The following EXOC4 variants were observed in gnomAD, a reference collection of about 807,000 sequenced individuals.
The protein encoded by EXOC4 is SEC8-like 1.
In EXOC4, 71 loss-of-function variants were observed where a neutral mutation model predicts 107.2. The observed-to-expected ratio is 0.66, with a 90% CI of 0.55 to 0.81. EXOC4 has a LOEUF of 0.81. Among genes scored for constraint, EXOC4 ranks in the 30% least tolerant of loss-of-function variants. EXOC4 has a pLI of 0.00. For missense variants in EXOC4, 1,108 were observed against 1,189.6 expected (o/e 0.93, Z 1.01); for synonymous variants, 456 against 441.2 (o/e 1.03, Z -0.42).
At chr7:133,370,298 T>C (rs994100264) in intron 6 of EXOC4, among the ~76,000 whole-genome samples, 4 of 152,004 alleles carry the variant, frequency 2.6e-5, no homozygotes, top group Non-Finnish European at 1.5e-5. Context: ...TTTTTAATTT[T>C]AATTTTAATT....
At chr7:133,819,911 A>G (rs913255125) in intron 11 of EXOC4, among the ~76,000 whole-genome samples, 4 of 152,144 alleles carry the variant, frequency 2.6e-5, no homozygotes, top group Non-Finnish European at 5.9e-5. Context: ...AAAATGACAT[A>G]TCTGGGCAGT....
intron 6 of EXOC4, among the ~76,000 whole-genome samples, chr7:133,371,439 GTC>G (rs988627185): frequency 6.6e-6 from 1 of 151,554 alleles, no homozygotes; most frequent in Non-Finnish European, 1.5e-5. Context: ...TATATTTTGT[GTC>G]TCTATAAATT....
chr7:133,913,148 T>G (rs1049606341), intron 12 of EXOC4, among the ~76,000 whole-genome samples: 1 of 152,176 alleles, frequency 6.6e-6, no homozygotes, highest in Non-Finnish European at 1.5e-5. Context: ...AACTTTGGAA[T>G]ACTCATCATG....
At chr7:133,638,346 A>G (rs1585047113) in intron 10 of EXOC4, among the ~76,000 whole-genome samples, 1 of 152,276 alleles carries the variant, frequency 6.6e-6, no homozygotes, top group East Asian at 1.9e-4. Context: ...CCAGGTCTAC[A>G]TTCTTTAAAT....
At chr7:133,732,722 ATTTACTGGCCACT>A (rs1264839157) in intron 10 of EXOC4, 1 of 155,174 alleles carries the variant, frequency 6.4e-6, no homozygotes, top group Non-Finnish European at 1.4e-5. Context: ...TCCGAAGTCA[ATTTACTGGCCACT>A]TCTTTCAAGT....
chr7:133,751,206 G>A (rs1311418005), intron 10 of EXOC4, among the ~76,000 whole-genome samples: 2 of 152,150 alleles, frequency 1.3e-5, no homozygotes, highest in Non-Finnish European at 2.9e-5. Context: ...ACATTTATTA[G>A]CAATTCTCTG....
intron 9 of EXOC4, among the ~76,000 whole-genome samples, chr7:133,624,471 T>C (rs1802406694): frequency 6.6e-6 from 1 of 152,112 alleles, no homozygotes; most frequent in Non-Finnish European, 1.5e-5. Context: ...TAGTCTTAGC[T>C]GCTCAGGAGC....
chr7:133,997,024 A>G (rs985260295), intron 14 of EXOC4, among the ~76,000 whole-genome samples: 1 of 152,170 alleles, frequency 6.6e-6, no homozygotes, highest in African/African-American at 2.4e-5. Flanking sequence ...GGCTTGATGT[A>G]AGATGGTCAA....
intron 17 of EXOC4, among the ~76,000 whole-genome samples, chr7:134,022,755 G>A (rs901585489): frequency 1.3e-4 from 20 of 152,266 alleles, no homozygotes; most frequent in Middle Eastern, 3.4e-3. Flanking sequence ...AGTGAGGCCT[G>A]TATACTGGCC....
chr7:133,903,343 A>G (rs535871285), intron 12 of EXOC4, among the ~76,000 whole-genome samples: 6 of 152,346 alleles, frequency 3.9e-5, no homozygotes, highest in Non-Finnish European at 8.8e-5. Flanking sequence ...GGATGGAAGC[A>G]GTGAGACCAC....
chr7:133,268,751 C>A (rs1255622146), intron 1 of EXOC4, among the ~76,000 whole-genome samples: 1 of 152,136 alleles, frequency 6.6e-6, no homozygotes, highest in Non-Finnish European at 1.5e-5. Flanking sequence ...TCCACTAGAA[C>A]TTAATAACAT....
chr7:133,330,939 G>GT lies in EXOC4; in HGVS notation c.763+13562dup, dbSNP rs1173485312. On this transcript the variant is annotated intron_variant, in intron 5 of 17. Coordinates refer to ENST00000253861, the MANE Select transcript of EXOC4 (RefSeq NM_021807.4). ...TCTGTGGGTGACTTTTCTGTGAGAG[G>GT]TTTTTTTTTTTTTAAATAATAGTTT... Among the ~76,000 whole-genome samples, 509 of 143,930 alleles carry GT rather than the reference G, an allele frequency of 3.5e-3. 3 individuals carry two copies. Among genetic ancestry groups the GT allele is most frequent in the African/African-American group, 0.01 (405 of 39,452 alleles). The allele number at this position is 143,930 out of a possible 152,430, so 94.4% of individuals were successfully genotyped here. A position where few individuals can be genotyped will look rare whatever the true frequency, so the allele number is the denominator to read the frequency against.
intron 10 of EXOC4, among the ~76,000 whole-genome samples, chr7:133,815,417 C>T (rs1797345183): frequency 6.7e-6 from 1 of 150,170 alleles, no homozygotes; most frequent in Admixed American, 6.6e-5. Flanking sequence ...CTATTCCTGG[C>T]ATTTATAAAT....
chr7:133,740,088 A>G (rs1391951577), intron 10 of EXOC4, among the ~76,000 whole-genome samples: 1 of 152,204 alleles, frequency 6.6e-6, no homozygotes, highest in Non-Finnish European at 1.5e-5. Context: ...ATTTCATATT[A>G]TAATGTAGTT....
At chr7:133,692,618 C>T (rs1039510352) in intron 10 of EXOC4, among the ~76,000 whole-genome samples, 1 of 152,184 alleles carries the variant, frequency 6.6e-6, no homozygotes, top group African/African-American at 2.4e-5. Context: ...TCCAATGAAT[C>T]AGAATCCCTC....
chr7:133,590,636 A>G (rs186040586), intron 9 of EXOC4, among the ~76,000 whole-genome samples: 1 of 152,216 alleles, frequency 6.6e-6, no homozygotes, highest in African/African-American at 2.4e-5. Flanking sequence ...CTTCAGAGGG[A>G]CGGCTTGATG....
intron 9 of EXOC4, among the ~76,000 whole-genome samples, chr7:133,539,578 G>A (rs1384227624): frequency 1.3e-5 from 2 of 151,530 alleles, no homozygotes; most frequent in South Asian, 2.1e-4. Flanking sequence ...ATCAAGAATA[G>A]GAAAGTCTGT....
chr7:133,960,649 T>C (rs997557073), intron 14 of EXOC4, among the ~76,000 whole-genome samples: 4 of 152,236 alleles, frequency 2.6e-5, no homozygotes, highest in African/African-American at 9.6e-5. Context: ...AGCATCCCTT[T>C]ATGCATCCCT....
intron 9 of EXOC4, among the ~76,000 whole-genome samples, chr7:133,525,674 G>GTCTAATAA (rs1340157773): frequency 6.6e-6 from 1 of 152,146 alleles, no homozygotes; most frequent in African/African-American, 2.4e-5. Flanking sequence ...CTAGTGTCAA[G>GTCTAATAA]TCTAATAATA....
Sources: gnomAD v4.1 joint callset for allele counts (sites outside exome capture counted in the v4.1 genomes callset) on GRCh38, gnomAD v4.1.1 for gene constraint, MANE v1.5 for transcripts, NCBI Gene and HGNC (gene_info 2026-07-23, HGNC 2026-07-21) for gene names.